The following SERPIND1 variants were observed in gnomAD, a reference collection of about 807,000 sequenced individuals.
SERPIND1 encodes the protein serpin family D member 1, also known as heparin cofactor 2.
A neutral mutation model predicts 35.0 loss-of-function variants in SERPIND1; 34 were observed. The observed-to-expected ratio is 0.97, with a 90% CI of 0.74 to 1.29. The LOEUF (loss-of-function observed/expected upper bound fraction) is 1.29. Among genes scored for constraint, SERPIND1 ranks in the 50% most tolerant of loss-of-function variants. SERPIND1 has a pLI of 0.00. For synonymous variants in SERPIND1, 236 were observed against 241.1 expected, an observed-to-expected ratio of 0.98 and a Z score of 0.19; for missense variants, 633 against 637.7, an observed-to-expected ratio of 0.99 and a Z score of 0.08.
chr22:20,786,828 C>T (rs183571304), intron 4 of SERPIND1, 47 bp from the exon 5 acceptor site: 13 of 1,572,284 alleles, frequency 8.3e-6, no homozygotes, highest in Non-Finnish European at 1.1e-5. Flanking sequence ...AACTCTAGCC[C>T]TCTGTGTGCT....
Position 20,774,676 on chromosome 22 carries a change from G to A in SERPIND1, c.-17+531G>A, listed in dbSNP as rs577378766. Among the ~76,000 whole-genome samples the A allele has an allele frequency of 2.6e-4, 39 of 151,220 alleles. No individual in the cohort carries two copies. In the East Asian group the frequency reaches 6.6e-3, roughly 26 times the overall value. On this transcript the variant is annotated intron_variant, in intron 1 of 4. Transcript: ENST00000215727. ...CTCAGGAGGCTGAGGCAGGAGAATC[G>A]CTTAAACCCGGGAGGCAGAGGTTGC...
intron 2 of SERPIND1, among the ~76,000 whole-genome samples, chr22:20,783,035 A>G (rs1333932995): frequency 6.6e-6 from 1 of 152,244 alleles, no homozygotes; most frequent in Non-Finnish European, 1.5e-5. Context: ...GGATAACAAA[A>G]CGCACACAAC....
rs1248536913 is a variant in SERPIND1, at chr22:20,787,527, G to C, written c.*461G>C. Reference sequence around the variant, plus strand: ...CAACTAGCACCATTCTTGATGTCCAGGGAAGAAGCCACCTCAAGACATATG... The same window carrying C: ...CAACTAGCACCATTCTTGATGTCCACGGAAGAAGCCACCTCAAGACATATG... On this transcript the variant is annotated 3_prime_UTR_variant, in exon 5 of 5. Coordinates refer to ENST00000215727, the MANE Select transcript of SERPIND1 (RefSeq NM_000185.4). 1 of 235,768 alleles carries C rather than the reference G, an allele frequency of 4.2e-6. No individual in the cohort carries two copies. The highest frequency in any genetic ancestry group is 8.4e-6 in the Non-Finnish European group (1 of 118,672). 14.6% of individuals were successfully genotyped at this position (235,768 alleles called of 1,614,324 possible).
rs778756723 is a variant in SERPIND1, at chr22:20,779,628, T to A, written c.316T>A (p.Ser106Thr). The change falls in exon 2 of 5, where the codon TCT (serine) becomes ACT (threonine). Residue 106 changes from serine (S) to threonine (T), a missense_variant. By Grantham distance (58) the Ser-to-Thr change is moderately conservative (BLOSUM62 1). Coordinates refer to ENST00000215727, the MANE Select transcript of SERPIND1 (RefSeq NM_000185.4). ...VDSLSVSPTDSDVSAGNILQL... is the reference protein window; with the variant it reads ...VDSLSVSPTDTDVSAGNILQL... ...CAGTCTGTCAGTTTCCCCGACAGAC[T>A]CTGATGTGAGTGCTGGGAACATCCT... The A allele has an allele frequency of 2.0e-5, 33 of 1,614,064 alleles. No homozygotes were observed. The highest frequency in any genetic ancestry group is 2.6e-5 in the Non-Finnish European group (31 of 1,180,012).
At chr22:20,774,778 AG>A (rs946762811) in intron 1 of SERPIND1, among the ~76,000 whole-genome samples, 1 of 151,344 alleles carries the variant, frequency 6.6e-6, no homozygotes, top group Non-Finnish European at 1.5e-5. Context: ...AAAAAAAAGA[AG>A]AAAAAAGAAA....
rs141717277 is a variant in SERPIND1 at position 20,786,886 on chromosome 22, A to T, written c.1320A>T (p.Gln440His). 4 of 1,614,178 alleles carry T rather than the reference A, an allele frequency of 2.5e-6. No homozygotes were observed. The highest frequency in any genetic ancestry group is 3.4e-6 in the Non-Finnish European group (4 of 1,180,036). The change falls in exon 5 of 5, where the codon CAA becomes CAT. Residue 440 changes from glutamine to histidine, a missense_variant. By Grantham distance (24) the Gln-to-His change is conservative. Coordinates refer to ENST00000215727, the MANE Select transcript of SERPIND1 (RefSeq NM_000185.4). ...QRIAIDLFKH[Q>H]GTITVNEEGT... ...TCCTTTCCAAACAGTTCAAGCACCA[A>T]GGCACGATCACAGTGAACGAGGAAG...
intron 3 of SERPIND1, 59 bp from the exon 4 acceptor site, chr22:20,785,945 T>C (rs771071537): frequency 1.0e-5 from 8 of 771,584 alleles, no homozygotes; most frequent in Non-Finnish European, 1.6e-5. Context: ...GGGAAAATCA[T>C]GATTCTTTTG....
chr22:20,777,446 G>A (rs550984511), intron 1 of SERPIND1, among the ~76,000 whole-genome samples: 4 of 152,176 alleles, frequency 2.6e-5, no homozygotes, highest in South Asian at 2.1e-4. Context: ...TCGAACTCCC[G>A]ACCTCAGATG....
chr22:20,775,061 G>A (rs1048079384), intron 1 of SERPIND1, among the ~76,000 whole-genome samples: 2 of 152,040 alleles, frequency 1.3e-5, no homozygotes, highest in Admixed American at 1.3e-4. Flanking sequence ...CTCCCATTCT[G>A]CCTGCTCTGT....
chr22:20,784,197 A>G lies in SERPIND1; in HGVS notation c.1115A>G (p.Gln372Arg). The G allele has an allele frequency of 6.2e-7, 1 of 1,614,184 alleles. No homozygotes were observed. Among genetic ancestry groups the G allele is most frequent in the Non-Finnish European group, 8.5e-7 (1 of 1,180,036 alleles). Residue 372 changes from glutamine (Q) to arginine (R), a missense_variant, in exon 3 of 5, where the codon CAA becomes CGA. Physicochemically the swap from Gln to Arg is conservative, Grantham distance 43 (BLOSUM62 1). Coordinates refer to ENST00000215727, the MANE Select transcript of SERPIND1 (RefSeq NM_000185.4). The stretch of plus-strand genomic sequence containing the variant: ...TCTGGGATGAAGACCCTCGAAGCGC[A>G]ACTGACACCCCGGGTGGTGGAGAGA... The part of the protein sequence containing the change: ...KMSGMKTLEA[Q>R]LTPRVVERWQ...
Position 20,779,824 on chromosome 22 carries a change from G to A in SERPIND1, c.512G>A (p.Gly171Glu). 3 of 1,614,230 alleles carry A rather than the reference G, an allele frequency of 1.9e-6. No homozygotes were observed. The highest frequency in any genetic ancestry group is 1.1e-5 in the South Asian group (1 of 91,082). ...AMGMISLGLKGETHEQVHSIL... is the reference protein window; with the variant it reads ...AMGMISLGLKEETHEQVHSIL... The stretch of plus-strand genomic sequence containing the variant: ...GGTATGATTTCCTTAGGTCTGAAGG[G>A]AGAGACCCATGAACAAGTGCACTCG... Residue 171 changes from glycine to glutamate, a missense_variant, in exon 2 of 5, where the codon GGA (glycine) becomes GAA (glutamate). By Grantham distance (98) the Gly-to-Glu change is moderately conservative. Coordinates refer to ENST00000215727, the MANE Select transcript of SERPIND1 (RefSeq NM_000185.4).
At chr22:20,774,542 C>T (rs1933095168) in intron 1 of SERPIND1, among the ~76,000 whole-genome samples, 1 of 152,072 alleles carries the variant, frequency 6.6e-6, no homozygotes, top group Non-Finnish European at 1.5e-5. Context: ...GCGGGTGGAT[C>T]ACGAGGTCAG....
Position 20,780,212 on chromosome 22 carries a change from C to A in SERPIND1, c.889+11C>A, listed in dbSNP as rs780265825. On this transcript the variant is annotated intron_variant, in intron 2 of 4. Coordinates refer to ENST00000215727, the MANE Select transcript of SERPIND1 (RefSeq NM_000185.4). ...GCATCTACTTCAAAGGTAAGAGGCACCTTTACAGTTCTCACAGCAAACCCA... is the reference window on the plus strand; with the variant it reads ...GCATCTACTTCAAAGGTAAGAGGCAACTTTACAGTTCTCACAGCAAACCCA... The A allele has an allele frequency of 6.2e-7, 1 of 1,614,086 alleles. No individual in the cohort carries two copies. Among genetic ancestry groups the A allele is most frequent in the African/African-American group, 1.3e-5 (1 of 74,926 alleles).
rs146203260 is a variant in SERPIND1 at position 20,779,757 on chromosome 22, G to A, written c.445G>A (p.Asp149Asn). The A allele has an allele frequency of 3.2e-5, 52 of 1,614,180 alleles. No individual in the cohort carries two copies. Among genetic ancestry groups the A allele is most frequent in the Middle Eastern group, 1.6e-4 (1 of 6,062 alleles). ...GCTGAAAGACCAGGTCAACACTTTC[G>A]ATAACATCTTCATAGCACCCGTTGG... is the stretch of plus-strand genomic sequence containing the variant. Reference protein sequence around the residue: ...RVLKDQVNTFDNIFIAPVGIS... With the variant: ...RVLKDQVNTFNNIFIAPVGIS... Residue 149 changes from aspartate (D) to asparagine (N), a missense_variant, in exon 2 of 5, where the codon GAT (aspartate) becomes AAT (asparagine). By Grantham distance (23) the Asp-to-Asn change is conservative. Transcript: ENST00000215727.
intron 4 of SERPIND1, 143 bp downstream of exon 4, chr22:20,786,291 C>A: frequency 2.2e-6 from 2 of 909,912 alleles, no homozygotes; most frequent in Non-Finnish European, 3.5e-6. Context: ...GGGTGGGATA[C>A]ACAGAATGCC....
chr22:20,778,884 C>T lies in SERPIND1; in HGVS notation c.-16-413C>T, dbSNP rs530142859. On this transcript the variant is annotated intron_variant, in intron 1 of 4. Coordinates refer to ENST00000215727, the MANE Select transcript of SERPIND1 (RefSeq NM_000185.4). ...TATTTTGAGAGCCTTCGCTTTACTG[C>T]ACGTCTGTCCCATCTGTCCCCTGAC... 6.3e-4 allele frequency among the ~76,000 whole-genome samples: 96 copies of T among 152,284 alleles called. 1 individual carries two copies. The highest frequency in any genetic ancestry group is 2.1e-3 in the African/African-American group (88 of 41,562).
Position 20,779,391 on chromosome 22 carries a change from C to T in SERPIND1, c.79C>T (p.Gln27Ter). 6.2e-7 allele frequency: 1 copy of T among 1,614,214 alleles called. No individual in the cohort carries two copies. Among genetic ancestry groups the T allele is most frequent in the Non-Finnish European group, 8.5e-7 (1 of 1,180,034 alleles). Residue 27 changes from glutamine to a stop codon, truncating the protein, a stop_gained, in exon 2 of 5, where the codon CAG becomes TAG. Transcript: ENST00000215727. LOFTEE classifies it high-confidence loss of function. ...AWGGSKGPLD[Q>*]LEKGGETAQS... is the part of the protein sequence containing the mutation. ...GGGTGGGAGCAAAGGCCCGCTGGAT[C>T]AGCTAGAGAAAGGAGGGGAAACTGC...
chr22:20,784,976 T>C (rs1934098322), intron 3 of SERPIND1, among the ~76,000 whole-genome samples: 1 of 151,852 alleles, frequency 6.6e-6, no homozygotes, highest in Non-Finnish European at 1.5e-5. Flanking sequence ...GTCATCATGC[T>C]CTGTGAATTT....
At chr22:20,775,189 C>T (rs571055491) in intron 1 of SERPIND1, among the ~76,000 whole-genome samples, 8 of 151,140 alleles carry the variant, frequency 5.3e-5, no homozygotes, top group Non-Finnish European at 8.8e-5. Flanking sequence ...ATATGAAGTT[C>T]CCAGGAAAAA....
Sources: gnomAD v4.1 joint callset for allele counts (sites outside exome capture counted in the v4.1 genomes callset) on GRCh38, gnomAD v4.1.1 for gene constraint, MANE v1.5 for transcripts, NCBI Gene and HGNC (gene_info 2026-07-23, HGNC 2026-07-21) for gene names.